Variants in FRMD4A observed in about 807,000 individuals in gnomAD.
The protein encoded by FRMD4A is FERM domain containing 4A.
A neutral mutation model predicts 129.1 loss-of-function variants in FRMD4A; 29 were observed. That is an observed-to-expected ratio of 0.22 (90% CI 0.17 to 0.31). The LOEUF is 0.31. FRMD4A is among the 10% of genes least tolerant of loss of function. The pLI is 1.00. For synonymous variants in FRMD4A, 634 were observed against 571.6 expected, an observed-to-expected ratio of 1.11 and a Z score of -1.56; for missense variants, 1,272 against 1,375.8, an observed-to-expected ratio of 0.92 and a Z score of 1.19.
chr10:14,148,560 G>C (rs112363140), intron 2 of FRMD4A, among the ~76,000 whole-genome samples: 1,909 of 152,186 alleles, frequency 0.013, 54 homozygotes, highest in African/African-American at 0.043. Context: ...TCAGGAGTTC[G>C]AGACCAGCCT....
At chr10:13,698,184 G>A (rs1369373424) in intron 14 of FRMD4A, among the ~76,000 whole-genome samples, 2 of 152,146 alleles carry the variant, frequency 1.3e-5, no homozygotes, top group Non-Finnish European at 2.9e-5. Context: ...CCGAGTGTCA[G>A]GGGAGCACCT....
intron 15 of FRMD4A, among the ~76,000 whole-genome samples, chr10:13,688,774 T>G (rs948410968): frequency 6.6e-6 from 1 of 152,098 alleles, no homozygotes; most frequent in African/African-American, 2.4e-5. Flanking sequence ...AATGCAGTGG[T>G]GTAATTTCAG....
At chr10:14,252,886 A>T (rs193101698) in intron 2 of FRMD4A, among the ~76,000 whole-genome samples, 68 of 152,308 alleles carry the variant, frequency 4.5e-4, no homozygotes, top group African/African-American at 1.6e-3. Context: ...TTTATCTGTT[A>T]GTATTCTACT....
At chr10:14,141,162 G>A (rs1174957782) in intron 2 of FRMD4A, among the ~76,000 whole-genome samples, 1 of 152,106 alleles carries the variant, frequency 6.6e-6, no homozygotes, top group East Asian at 1.9e-4. Context: ...TGCTTTATCG[G>A]GTACCTGTAG....
chr10:14,180,868 G>A (rs1319398279), intron 2 of FRMD4A, among the ~76,000 whole-genome samples: 4 of 152,094 alleles, frequency 2.6e-5, no homozygotes, highest in Middle Eastern at 3.2e-3. Context: ...CACACATTCC[G>A]GCACTTCTAT....
chr10:14,329,788 G>A (rs963381109), intron 2 of FRMD4A, among the ~76,000 whole-genome samples: 3 of 152,264 alleles, frequency 2.0e-5, no homozygotes, highest in South Asian at 2.1e-4. Context: ...AATCTATTTC[G>A]AGGGGCTCTT....
chr10:13,834,433 A>C (rs1397141260), intron 3 of FRMD4A, among the ~76,000 whole-genome samples: 1 of 152,234 alleles, frequency 6.6e-6, no homozygotes, highest in African/African-American at 2.4e-5. Flanking sequence ...CGGCCTGCAG[A>C]CATGAGCACA....
chr10:14,082,196 G>A (rs1008439456), intron 2 of FRMD4A, among the ~76,000 whole-genome samples: 8 of 152,172 alleles, frequency 5.3e-5, no homozygotes, highest in Non-Finnish European at 7.4e-5. Context: ...GCAGTGAGCC[G>A]AGATTGCACC....
intron 2 of FRMD4A, among the ~76,000 whole-genome samples, chr10:14,230,656 A>G (rs536237002): frequency 6.6e-6 from 1 of 152,102 alleles, no homozygotes; most frequent in Non-Finnish European, 1.5e-5. Context: ...TAGGTTCAGG[A>G]GATACTTTTG....
chr10:14,154,621 C>T (rs1032769966), intron 2 of FRMD4A, among the ~76,000 whole-genome samples: 3 of 152,108 alleles, frequency 2.0e-5, no homozygotes, highest in Non-Finnish European at 4.4e-5. Flanking sequence ...AAATTAACAA[C>T]GTTCAAATTT....
intron 12 of FRMD4A, 79 bp downstream of exon 12, chr10:13,737,765 A>G (rs1393933406): frequency 5.1e-6 from 4 of 790,096 alleles, no homozygotes; most frequent in African/African-American, 1.7e-5. Flanking sequence ...GCATGGCGTT[A>G]GCATTTTTAA....
rs573369557 is a variant in FRMD4A at position 13,654,585 on chromosome 10, T to C, written c.2954-73A>G. ...CACAGGTGAAAGAGCTTGCGACTTG[T>C]TGGCTGACACCAACCCAGTGGCCAG... On this transcript the variant is annotated intron_variant, in intron 22 of 24. Coordinates refer to ENST00000357447, the MANE Select transcript of FRMD4A (RefSeq NM_018027.5). 1.3e-4 allele frequency: 127 copies of C among 942,194 alleles called. 2 individuals are homozygous for C. The South Asian group carries it at 1.8e-3, about 13-fold the overall frequency. The allele number at this position is 942,194 out of a possible 1,614,324, so 58.4% of individuals were successfully genotyped here.
chr10:13,946,610 T>G (rs1370402265), intron 2 of FRMD4A, among the ~76,000 whole-genome samples: 1 of 152,094 alleles, frequency 6.6e-6, no homozygotes, highest in Non-Finnish European at 1.5e-5. Context: ...TGCCCAATCT[T>G]TTCTTTTTTT....
chr10:13,925,192 C>T (rs1589290233), intron 2 of FRMD4A, among the ~76,000 whole-genome samples: 2 of 151,926 alleles, frequency 1.3e-5, no homozygotes, highest in African/African-American at 4.8e-5. Flanking sequence ...GAAGAGATAT[C>T]ACAGGGATGG....
At chr10:14,249,746 A>G (rs1320171621) in intron 2 of FRMD4A, among the ~76,000 whole-genome samples, 1 of 152,234 alleles carries the variant, frequency 6.6e-6, no homozygotes, top group African/African-American at 2.4e-5. Context: ...GTTCCCGATA[A>G]GGGATGCATC....
At chr10:14,212,745 C>T (rs932298531) in intron 2 of FRMD4A, among the ~76,000 whole-genome samples, 1 of 152,198 alleles carries the variant, frequency 6.6e-6, no homozygotes, top group African/African-American at 2.4e-5. Flanking sequence ...CTGCTTAGCA[C>T]CTATGGTGGC....
At chr10:13,990,841 C>G (rs563273861) in intron 2 of FRMD4A, among the ~76,000 whole-genome samples, 1 of 152,190 alleles carries the variant, frequency 6.6e-6, no homozygotes, top group Non-Finnish European at 1.5e-5. Flanking sequence ...TCTCTCAGCC[C>G]TTGTTCCCAT....
chr10:13,752,676 T>C (rs1300236662), intron 8 of FRMD4A, among the ~76,000 whole-genome samples: 1 of 152,152 alleles, frequency 6.6e-6, no homozygotes, highest in Non-Finnish European at 1.5e-5. Context: ...AATGCTAGCA[T>C]TGGCCTCACT....
intron 2 of FRMD4A, among the ~76,000 whole-genome samples, chr10:14,319,728 G>A (rs1016999201): frequency 6.6e-6 from 1 of 152,078 alleles, no homozygotes; most frequent in African/African-American, 2.4e-5. Flanking sequence ...CTGAGCTTCA[G>A]TGCCACTGCC....
Sources: gnomAD v4.1 joint callset for allele counts (sites outside exome capture counted in the v4.1 genomes callset) on GRCh38, gnomAD v4.1.1 for gene constraint, MANE v1.5 for transcripts, NCBI Gene and HGNC (gene_info 2026-07-23, HGNC 2026-07-21) for gene names.